Variants in PDE7A observed in about 807,000 individuals in gnomAD.
PDE7A encodes the protein high affinity 3',5'-cyclic-AMP phosphodiesterase 7A.
PDE7A carries 39 observed loss-of-function variants against 64.3 expected under a neutral mutation model. The observed-to-expected ratio is 0.61, with a 90% CI of 0.47 to 0.79. The LOEUF (loss-of-function observed/expected upper bound fraction) is 0.79, where lower values mean the gene tolerates loss of function less well. PDE7A is among the 30% of genes least tolerant of loss of function. PDE7A has a pLI of 0.00. For missense variants in PDE7A, 470 were observed against 582.8 expected (o/e 0.81, Z 1.99); for synonymous variants, 203 against 206.8 (o/e 0.98, Z 0.16).
chr8:65,827,173 T>C (rs1014450065), intron 1 of PDE7A, among the ~76,000 whole-genome samples: 4 of 152,208 alleles, frequency 2.6e-5, no homozygotes, highest in East Asian at 1.9e-4. Context: ...CCTTACCAAG[T>C]GGTAACCTTC....
intron 1 of PDE7A, among the ~76,000 whole-genome samples, chr8:65,822,229 G>A (rs764134032): frequency 5.3e-5 from 8 of 152,148 alleles, no homozygotes; most frequent in African/African-American, 9.7e-5. Context: ...TGACCTTGCC[G>A]TCCATCAGCT....
At chr8:65,796,868 T>C (rs1411491908) in intron 1 of PDE7A, among the ~76,000 whole-genome samples, 1 of 152,088 alleles carries the variant, frequency 6.6e-6, no homozygotes, top group African/African-American at 2.4e-5. Context: ...GCATAAGGCA[T>C]ATAAATTAGA....
intron 3 of PDE7A, among the ~76,000 whole-genome samples, chr8:65,751,850 C>A (rs1180948760): frequency 6.6e-6 from 1 of 152,160 alleles, no homozygotes. Context: ...ACTTATTTTA[C>A]ATAAATGGTA....
intron 3 of PDE7A, among the ~76,000 whole-genome samples, chr8:65,754,989 C>A (rs1808155028): frequency 6.6e-6 from 1 of 150,502 alleles, no homozygotes; most frequent in Admixed American, 6.6e-5. Context: ...AATAAAAATT[C>A]TTCCATCATT....
At chr8:65,793,220 A>G (rs1809747696) in intron 1 of PDE7A, among the ~76,000 whole-genome samples, 1 of 152,182 alleles carries the variant, frequency 6.6e-6, no homozygotes, top group African/African-American at 2.4e-5. Context: ...AACTAGTGGA[A>G]GAATTCTAGA....
chr8:65,755,737 A>G (rs1003431836), intron 3 of PDE7A, among the ~76,000 whole-genome samples: 1 of 152,220 alleles, frequency 6.6e-6, no homozygotes, highest in East Asian at 1.9e-4. Context: ...TTATGGCTTT[A>G]GGTAACTGTT....
intron 3 of PDE7A, among the ~76,000 whole-genome samples, chr8:65,753,727 T>A (rs187530815): frequency 1.3e-5 from 2 of 152,304 alleles, no homozygotes; most frequent in African/African-American, 2.4e-5. Context: ...GGTATTCAAG[T>A]CTTCATTATT....
intron 3 of PDE7A, among the ~76,000 whole-genome samples, chr8:65,771,650 C>T (rs974162087): frequency 6.6e-5 from 10 of 151,856 alleles, no homozygotes; most frequent in South Asian, 2.1e-4. Flanking sequence ...CCAGGGCGGG[C>T]GGATCACCTG....
intron 1 of PDE7A, among the ~76,000 whole-genome samples, chr8:65,798,505 G>A (rs2128927600): frequency 6.6e-6 from 1 of 152,022 alleles, no homozygotes; most frequent in East Asian, 1.9e-4. Context: ...CCACCTTGTT[G>A]CCTGGCCATA....
At chr8:65,750,757 A>C (rs553015433) in intron 3 of PDE7A, among the ~76,000 whole-genome samples, 37 of 152,256 alleles carry the variant, frequency 2.4e-4, no homozygotes, top group African/African-American at 8.9e-4. Flanking sequence ...TTTTCTGGGC[A>C]ACTTCTGACA....
At chr8:65,761,627 T>A (rs1359668466) in intron 3 of PDE7A, among the ~76,000 whole-genome samples, 1 of 152,198 alleles carries the variant, frequency 6.6e-6, no homozygotes, top group Non-Finnish European at 1.5e-5. Flanking sequence ...AAATATCACA[T>A]TACTTCACTA....
rs1400494993 is a variant in PDE7A at position 65,718,520 on chromosome 8, C to G, written c.*770G>C. ...ATGTCTTCACTGCAGAATCATAATA[C>G]AGCTAGGACATTGGTGTTCTTCCCC... On this transcript the variant is annotated 3_prime_UTR_variant, in exon 13 of 13. Coordinates refer to ENST00000401827, the MANE Select transcript of PDE7A (RefSeq NM_001242318.3). 1 of 152,282 alleles carries G rather than the reference C, an allele frequency of 6.6e-6. No individual in the cohort carries two copies. The highest frequency in any genetic ancestry group is 1.5e-5 in the Non-Finnish European group (1 of 68,116). The allele number at this position is 152,282 out of a possible 1,614,324, so 9.4% of individuals were successfully genotyped here. A position where few individuals can be genotyped will look rare whatever the true frequency, so the allele number is the denominator to read the frequency against.
intron 1 of PDE7A, among the ~76,000 whole-genome samples, chr8:65,794,403 T>A (rs1809783118): frequency 6.6e-6 from 1 of 151,720 alleles, no homozygotes; most frequent in South Asian, 2.1e-4. Flanking sequence ...ATACTTTTTT[T>A]AATGAGACCG....
chr8:65,741,912 T>C (rs535036099), intron 5 of PDE7A, among the ~76,000 whole-genome samples: 2 of 152,326 alleles, frequency 1.3e-5, no homozygotes, highest in South Asian at 2.1e-4. Context: ...TCAGGCAAAG[T>C]GCAGTGAAGA....
chr8:65,762,991 ATGTGTGTGTGTG>A lies in PDE7A; in HGVS notation c.284-15200_284-15189del, dbSNP rs34371328. 5.9e-3 allele frequency among the ~76,000 whole-genome samples: 812 copies of A among 138,602 alleles called. 3 individuals are homozygous for A. Among genetic ancestry groups the A allele is most frequent in the Middle Eastern group, 0.017 (5 of 288 alleles). 90.9% of individuals were successfully genotyped at this position (138,602 alleles called of 152,430 possible). On this transcript the variant is annotated intron_variant, in intron 3 of 12. Transcript: ENST00000401827. ...ATCTCTTTATATTTATATAAAAACA[ATGTGTGTGTGTG>A]TGTGTGTGTGTGTGTGTGTGTGTGT...
intron 1 of PDE7A, among the ~76,000 whole-genome samples, chr8:65,794,836 A>G (rs1809796286): frequency 6.6e-6 from 1 of 152,226 alleles, no homozygotes; most frequent in South Asian, 2.1e-4. Flanking sequence ...ACAACAAGTA[A>G]TTACAATTAC....
At chr8:65,730,492 A>G (rs566944528) in intron 7 of PDE7A, among the ~76,000 whole-genome samples, 3 of 151,952 alleles carry the variant, frequency 2.0e-5, no homozygotes, top group South Asian at 2.1e-4. Flanking sequence ...CACACTTCTT[A>G]TAAGAATCTA....
chr8:65,719,737 C>T (rs953593), intron 12 of PDE7A: 179,914 of 504,082 alleles, frequency 0.36, 34,122 homozygotes, highest in East Asian at 0.56. Context: ...ATATATCTAA[C>T]CTTTTCTGGT....
intron 7 of PDE7A, among the ~76,000 whole-genome samples, chr8:65,730,168 C>CTTTTTTTTTTTTTTTTTTTTTTT (rs1563473710): frequency 6.3e-5 from 2 of 31,670 alleles, no homozygotes; most frequent in Non-Finnish European, 5.8e-5. Context: ...AGGTTGCGCA[C>CTTTTTTTTTTTTTTTTTTTTTTT]TTCTTTTTTT....
Sources: gnomAD v4.1 joint callset for allele counts (sites outside exome capture counted in the v4.1 genomes callset) on GRCh38, gnomAD v4.1.1 for gene constraint, MANE v1.5 for transcripts, NCBI Gene and HGNC (gene_info 2026-07-23, HGNC 2026-07-21) for gene names.